PODXL: variants seen among roughly 807,000 people sequenced by gnomAD.
PODXL encodes podocalyxin.
Under a neutral mutation model 48.9 loss-of-function variants are expected in PODXL, and 20 were observed. The ratio of observed to expected loss-of-function variants is 0.41; its 90% CI spans 0.29 to 0.59. The LOEUF is 0.59. PODXL is among the 20% of genes least tolerant of loss of function. PODXL has a pLI of 0.31. For synonymous variants in PODXL, 295 were observed against 287.4 expected (o/e 1.03, Z -0.27); for missense variants, 606 against 675.1 (o/e 0.90, Z 1.13).
At chr7:131,524,385 G>C (rs200745269) in intron 1 of PODXL, among the ~76,000 whole-genome samples, 12,332 of 108,592 alleles carry the variant, frequency 0.11, 564 homozygotes, top group African/African-American at 0.26. Flanking sequence ...CACACAGAGA[G>C]AGAGAGAGAG....
At chr7:131,523,176 G>C (rs1798115542) in intron 1 of PODXL, among the ~76,000 whole-genome samples, 1 of 152,108 alleles carries the variant, frequency 6.6e-6, no homozygotes, top group South Asian at 2.1e-4. Context: ...AATTTTTCCA[G>C]ATCCTTGCCA....
At chr7:131,540,488 G>C (rs1439431731) in intron 1 of PODXL, among the ~76,000 whole-genome samples, 1 of 151,684 alleles carries the variant, frequency 6.6e-6, no homozygotes, top group Non-Finnish European at 1.5e-5. Flanking sequence ...CATCACACTG[G>C]GTCTGCACCG....
Position 131,506,620 on chromosome 7 carries a change from G to C in PODXL, c.1208C>G (p.Pro403Arg), listed in dbSNP as rs1390724226. ...TTTGACGACCACGGTCTGACTTCCT[G>C]GAACAGATGCCAGCCGTATGCCGCA... ...DKCGIRLASV[P>R]GSQTVVVKEI... is the part of the protein sequence containing the mutation. Residue 403 changes from proline to arginine, a missense_variant, in exon 6 of 9, where the codon CCA (proline) becomes CGA (arginine). Physicochemically the swap from Pro to Arg is moderately radical, Grantham distance 103. Coordinates refer to ENST00000378555, the MANE Select transcript of PODXL (RefSeq NM_001018111.3). 2 of 1,614,168 alleles carry C rather than the reference G, an allele frequency of 1.2e-6. No homozygotes were observed. Among genetic ancestry groups the C allele is most frequent in the Non-Finnish European group, 1.7e-6 (2 of 1,180,030 alleles).
chr7:131,517,684 G>A (rs80152102), intron 1 of PODXL, among the ~76,000 whole-genome samples: 2,335 of 120,080 alleles, frequency 0.019, 51 homozygotes, highest in African/African-American at 0.067. Flanking sequence ...CTACTCCTTG[G>A]CTTGTAGCTG....
At position 131,553,104 on chromosome 7, in the gene PODXL, C is replaced by T. The variant is rs561458602; in HGVS notation, c.100+3156G>A. 2.6e-5 allele frequency among the ~76,000 whole-genome samples: 4 copies of T among 152,234 alleles called. No homozygotes were observed. The East Asian group carries it at 5.8e-4, about 22-fold the overall frequency. ...ACCCTGCCACCGTGGAATTTTCTCT[C>T]CAGTTCTGAGAGCTAATCTCCCCAA... On this transcript the variant is annotated intron_variant, in intron 1 of 8. Transcript: ENST00000378555.
rs1400670437 is a variant in PODXL at position 131,500,895 on chromosome 7, T to C, written c.*3416A>G. On this transcript the variant is annotated 3_prime_UTR_variant, in exon 9 of 9. Coordinates refer to ENST00000378555, the MANE Select transcript of PODXL (RefSeq NM_001018111.3). ...TGTGGATCCAGGTTTTAATCTTGTT[T>C]CTGTCCTGAACCATGTGATTTTGAG... is the stretch of plus-strand genomic sequence containing the variant. The C allele has an allele frequency of 6.6e-6, 1 of 152,214 alleles. No homozygotes were observed. The highest frequency in any genetic ancestry group is 1.5e-5 in the Non-Finnish European group (1 of 68,036). The allele number at this position is 152,214 out of a possible 1,614,324, so 9.4% of individuals were successfully genotyped here.
rs766269661 is a variant in PODXL at position 131,505,888 on chromosome 7, G to C, written c.1459C>G (p.Leu487Val). Reference protein sequence around the residue: ...AALYGCCHQRLSQRKDQQRLT... With the variant: ...AALYGCCHQRVSQRKDQQRLT... ...CTTACCTGGTCCTTCCTCTGGGAGA[G>C]GCGCTGGTGGCAGCAGCCATAGAGG... Residue 487 changes from leucine (L) to valine (V), a missense_variant, in exon 8 of 9, where the codon CTC becomes GTC. Physicochemically the swap from Leu to Val is conservative, Grantham distance 32. Coordinates refer to ENST00000378555, the MANE Select transcript of PODXL (RefSeq NM_001018111.3). 1 of 1,568,032 alleles carries C rather than the reference G, an allele frequency of 6.4e-7. No homozygotes were observed. Among genetic ancestry groups the C allele is most frequent in the South Asian group, 1.2e-5 (1 of 85,434 alleles).
chr7:131,505,503 C>T (rs757492301), intron 8 of PODXL, among the ~76,000 whole-genome samples: 60 of 152,120 alleles, frequency 3.9e-4, no homozygotes, highest in Non-Finnish European at 5.6e-4. Flanking sequence ...AAAAATTAGG[C>T]GGGCGTGGTG....
intron 1 of PODXL, among the ~76,000 whole-genome samples, chr7:131,539,755 A>C (rs1037828022): frequency 6.6e-6 from 1 of 152,226 alleles, no homozygotes; most frequent in African/African-American, 2.4e-5. Flanking sequence ...GGAGACAGGA[A>C]CGTCCGTGCC....
intron 1 of PODXL, among the ~76,000 whole-genome samples, chr7:131,531,795 C>T (rs1798283681): frequency 6.6e-6 from 1 of 152,178 alleles, no homozygotes; most frequent in Admixed American, 6.5e-5. Flanking sequence ...TCTGTAAAGA[C>T]CCTTTGTCCA....
chr7:131,524,364 A>ACG (rs1554385057), intron 1 of PODXL, among the ~76,000 whole-genome samples: 20 of 91,976 alleles, frequency 2.2e-4, no homozygotes, highest in African/African-American at 8.3e-4. Flanking sequence ...ACACACACGC[A>ACG]CACACACACA....
chr7:131,532,379 T>G (rs1814291), intron 1 of PODXL, among the ~76,000 whole-genome samples: 1 of 148,394 alleles, frequency 6.7e-6, no homozygotes, highest in Non-Finnish European at 1.5e-5. Flanking sequence ...GAGCTGGCAG[T>G]GAGCTGAGAT....
At chr7:131,538,951 G>T (rs1435125494) in intron 1 of PODXL, among the ~76,000 whole-genome samples, 2 of 152,234 alleles carry the variant, frequency 1.3e-5, no homozygotes, top group African/African-American at 4.8e-5. Context: ...CCCTGCAGCA[G>T]ACCATGTGAA....
chr7:131,535,626 T>C (rs1727826857), intron 1 of PODXL, among the ~76,000 whole-genome samples: 1 of 152,230 alleles, frequency 6.6e-6, no homozygotes, highest in Non-Finnish European at 1.5e-5. Flanking sequence ...GTCATGGGCC[T>C]GAAGACAACC....
intron 1 of PODXL, among the ~76,000 whole-genome samples, chr7:131,551,058 C>A (rs538150895): frequency 1.3e-5 from 2 of 152,334 alleles, no homozygotes; most frequent in Admixed American, 1.3e-4. Context: ...CGACTCGAAG[C>A]AGTCATATGG....
At chr7:131,527,762 G>A (rs1158866759) in intron 1 of PODXL, among the ~76,000 whole-genome samples, 2 of 152,212 alleles carry the variant, frequency 1.3e-5, no homozygotes, top group African/African-American at 4.8e-5. Context: ...GGTAGGAGAT[G>A]CTAGAGCTGG....
chr7:131,517,723 A>C (rs753850029), intron 1 of PODXL, among the ~76,000 whole-genome samples: 17 of 149,918 alleles, frequency 1.1e-4, no homozygotes, highest in Admixed American at 4.0e-4. Flanking sequence ...CTCCATCAAC[A>C]CAAGACCTTC....
chr7:131,554,093 C>G (rs1359306243), intron 1 of PODXL, among the ~76,000 whole-genome samples: 2 of 152,116 alleles, frequency 1.3e-5, no homozygotes, highest in Non-Finnish European at 2.9e-5. Context: ...TGCTTTGAAT[C>G]AAATCACAGG....
At position 131,517,364 on chromosome 7, in the gene PODXL, G is replaced by A. The variant is rs540163413; in HGVS notation, c.101-5931C>T. On this transcript the variant is annotated intron_variant, in intron 1 of 8. Transcript: ENST00000378555. ...TGTGCTCTTTAGGATCAGAATGGAC[G>A]GGCAACTCACTGACTTCCTAGGTGT... 3.3e-5 allele frequency among the ~76,000 whole-genome samples: 5 copies of A among 152,220 alleles called. No individual in the cohort carries two copies. In the South Asian group the frequency reaches 1.0e-3, roughly 32 times the overall value.
Sources: allele counts gnomAD v4.1 joint callset (sites outside exome capture counted in the v4.1 genomes callset), GRCh38; gene constraint gnomAD v4.1.1; transcripts MANE v1.5; gene names NCBI Gene and HGNC (gene_info 2026-07-23, HGNC 2026-07-21).